Variants in DBR1 observed in about 807,000 individuals in gnomAD.
The protein encoded by DBR1 is lariat debranching enzyme.
Under a neutral mutation model 45.9 loss-of-function variants are expected in DBR1, and 33 were observed. The observed-to-expected ratio is 0.72, with a 90% CI of 0.55 to 0.96. The LOEUF (loss-of-function observed/expected upper bound fraction) is 0.96, where lower values mean the gene tolerates loss of function less well. Among genes scored for constraint, DBR1 ranks in the 40% least tolerant of loss-of-function variants. The probability of loss-of-function intolerance (pLI) is 0.00; values close to 1 mark genes in which losing one functional copy is unlikely to be tolerated. For synonymous variants in DBR1, 235 were observed against 235.9 expected (o/e 1.00, Z 0.04); for missense variants, 619 against 667.4 (o/e 0.93, Z 0.80).
At chr3:138,164,895 C>T (rs993533356) in intron 5 of DBR1, among the ~76,000 whole-genome samples, 1 of 152,210 alleles carries the variant, frequency 6.6e-6, no homozygotes. Flanking sequence ...GATCCACCCG[C>T]CTTGGCCTCC....
intron 7 of DBR1, among the ~76,000 whole-genome samples, chr3:138,162,921 G>A (rs542365214): frequency 6.6e-6 from 1 of 152,260 alleles, no homozygotes; most frequent in Admixed American, 6.5e-5. Flanking sequence ...TGCAAACTTT[G>A]AATTGTTCTG....
intron 5 of DBR1, among the ~76,000 whole-genome samples, chr3:138,166,144 CAT>C (rs989115897): frequency 6.6e-6 from 1 of 152,222 alleles, no homozygotes; most frequent in African/African-American, 2.4e-5. Flanking sequence ...AAATTCTCTA[CAT>C]GTCTCCAAGA....
chr3:138,169,061 T>C (rs2042943183), intron 4 of DBR1, among the ~76,000 whole-genome samples: 1 of 152,138 alleles, frequency 6.6e-6, no homozygotes, highest in African/African-American at 2.4e-5. Context: ...AAAATCTATT[T>C]AAGGGAACTG....
At position 138,167,401 on chromosome 3, in the gene DBR1, CCACT is replaced by C. The variant is rs2042935513; in HGVS notation, c.490-100_490-97del. 3 of 793,330 alleles carry C rather than the reference CCACT, an allele frequency of 3.8e-6. No homozygotes were observed. The South Asian group carries it at 4.8e-5, about 13-fold the overall frequency. The allele number at this position is 793,330 out of a possible 1,614,324, so 49.1% of individuals were successfully genotyped here. On this transcript the variant is annotated intron_variant, in intron 4 of 7. Coordinates refer to ENST00000260803, the MANE Select transcript of DBR1 (RefSeq NM_016216.4). The stretch of plus-strand genomic sequence containing the variant: ...TCTCTACCACCATACAACCATTCAC[CCACT>C]GAGATCTCTAGAATTCTGTATAATT...
At chr3:138,174,515 A>C in intron 1 of DBR1, 84 bp downstream of exon 1, 1 of 1,369,204 alleles carries the variant, frequency 7.3e-7, no homozygotes, top group Non-Finnish European at 1.0e-6. Flanking sequence ...CAAAGACAGG[A>C]TCTAAGGGAA....
chr3:138,168,784 C>CT (rs1010394145), intron 4 of DBR1, among the ~76,000 whole-genome samples: 4 of 151,936 alleles, frequency 2.6e-5, no homozygotes, highest in African/African-American at 4.8e-5. Context: ...TGGCGAAACT[C>CT]TGTCTCTAAA....
chr3:138,173,171 C>T (rs913377003), intron 2 of DBR1, among the ~76,000 whole-genome samples: 9 of 150,238 alleles, frequency 6.0e-5, no homozygotes, highest in Admixed American at 1.3e-4. Flanking sequence ...TCATACTATT[C>T]TCTACTTTTG....
At position 138,162,420 on chromosome 3, in the gene DBR1, A is replaced by G; in HGVS notation, c.1104T>C (p.Thr368=). 2.5e-6 allele frequency: 4 copies of G among 1,614,128 alleles called. No homozygotes were observed. The highest frequency in any genetic ancestry group is 3.4e-6 in the Non-Finnish European group (4 of 1,180,026). ...TGATGCCAAGTTGGGCACAAAATTC[A>G]GTTGTCTGAGGATTGATCCTATGAA... ...QLIHRINPQT[T]EFCAQLGIID... Residue 368 remains threonine, a synonymous_variant, in exon 8 of 8, where the codon ACT becomes ACC. Coordinates refer to ENST00000260803, the MANE Select transcript of DBR1 (RefSeq NM_016216.4).
chr3:138,162,944 C>T (rs896852868), intron 7 of DBR1, among the ~76,000 whole-genome samples: 1 of 152,160 alleles, frequency 6.6e-6, no homozygotes, highest in Non-Finnish European at 1.5e-5. Flanking sequence ...ATTCATTCAA[C>T]AATAATTCCC....
chr3:138,169,771 C>T (rs2042946263), intron 4 of DBR1, among the ~76,000 whole-genome samples: 1 of 151,914 alleles, frequency 6.6e-6, no homozygotes, highest in Non-Finnish European at 1.5e-5. Flanking sequence ...ATCCCTACTA[C>T]AAATACAAAA....
Position 138,174,751 on chromosome 3 carries a change from C to T in DBR1, c.45G>A (p.Lys15=). 1.2e-6 allele frequency: 2 copies of T among 1,612,496 alleles called. No individual in the cohort carries two copies. Among genetic ancestry groups the T allele is most frequent in the Non-Finnish European group, 1.7e-6 (2 of 1,179,774 alleles). Residue 15 remains lysine (K), a synonymous_variant, in exon 1 of 8, where the codon AAG becomes AAA. Coordinates refer to ENST00000260803, the MANE Select transcript of DBR1 (RefSeq NM_016216.4). ...VAGCCHGELD[K]IYETLALAER... is the part of the protein sequence containing the mutation. The stretch of plus-strand genomic sequence containing the variant: ...CTGCCAGCGCCAGCGTCTCATAGAT[C>T]TTATCCAGCTCGCCGTGGCAGCAGC...
chr3:138,167,154 A>G lies in DBR1; in HGVS notation c.641T>C (p.Leu214Ser), dbSNP rs2042933942. 3 of 1,614,212 alleles carry G rather than the reference A, an allele frequency of 1.9e-6. No homozygotes were observed. The highest frequency in any genetic ancestry group is 2.2e-5 in the East Asian group (1 of 44,876). Residue 214 changes from leucine (L) to serine (S), a missense_variant, in exon 5 of 8, where the codon TTA becomes TCA. Coordinates refer to ENST00000260803, the MANE Select transcript of DBR1 (RefSeq NM_016216.4). ...CCAATAAGTAGGTTTGAGATGCTCT[A>G]AAAGCTCTGAGGCAGCTGGACTTCC... ...TLGSPAASEL[L>S]EHLKPTYWFS...
In DBR1 at chr3:138,174,588, C is replaced by T. The variant is rs746943007; in HGVS notation, c.197+11G>A. 1 of 1,597,042 alleles carries T rather than the reference C, an allele frequency of 6.3e-7. No homozygotes were observed. Among genetic ancestry groups the T allele is most frequent in the Admixed American group, 1.7e-5 (1 of 58,160 alleles). On this transcript the variant is annotated intron_variant, in intron 1 of 7. Transcript: ENST00000260803. Reference sequence around the variant, plus strand: ...CCCCACCGCCAAGTCCGGGCCCGGCCGCGTCCTCACCTGTAGAAGGTTTGC... The same window carrying T: ...CCCCACCGCCAAGTCCGGGCCCGGCTGCGTCCTCACCTGTAGAAGGTTTGC...
intron 4 of DBR1, among the ~76,000 whole-genome samples, chr3:138,169,598 A>G (rs2107904954): frequency 6.6e-6 from 1 of 152,306 alleles, no homozygotes; most frequent in South Asian, 2.1e-4. Flanking sequence ...CATGAATTAA[A>G]TCTTTCATTC....
intron 1 of DBR1, among the ~76,000 whole-genome samples, chr3:138,173,916 G>T (rs778814559): frequency 6.6e-6 from 1 of 151,624 alleles, no homozygotes; most frequent in Non-Finnish European, 1.5e-5. Context: ...AGCTACTCGG[G>T]AGGCTGAGGT....
At chr3:138,169,475 CATAAA>C (rs1221295764) in intron 4 of DBR1, among the ~76,000 whole-genome samples, 2 of 152,096 alleles carry the variant, frequency 1.3e-5, no homozygotes, top group South Asian at 2.1e-4. Flanking sequence ...ATTACTATTA[CATAAA>C]ATAAAATGTT....
intron 4 of DBR1, among the ~76,000 whole-genome samples, chr3:138,168,694 T>C (rs2042941304): frequency 1.3e-5 from 2 of 151,102 alleles, no homozygotes; most frequent in African/African-American, 4.9e-5. Flanking sequence ...TGGTGGCTCA[T>C]GCCTGTAATC....
chr3:138,169,832 T>C (rs1239213016), intron 4 of DBR1, among the ~76,000 whole-genome samples: 1 of 151,800 alleles, frequency 6.6e-6, no homozygotes, highest in Non-Finnish European at 1.5e-5. Flanking sequence ...ACTCAGAAGG[T>C]TGAGGCACAA....
At chr3:138,174,310 C>A (rs941358095) in intron 1 of DBR1, among the ~76,000 whole-genome samples, 4 of 152,122 alleles carry the variant, frequency 2.6e-5, no homozygotes, top group African/African-American at 9.7e-5. Context: ...CAGGCTTCGA[C>A]ACCCTTTGAA....
Sources: gnomAD v4.1 joint callset for allele counts (sites outside exome capture counted in the v4.1 genomes callset) on GRCh38, gnomAD v4.1.1 for gene constraint, MANE v1.5 for transcripts, NCBI Gene and HGNC (gene_info 2026-07-23, HGNC 2026-07-21) for gene names.